Variants in TRHDE observed in about 807,000 individuals in gnomAD.
TRHDE encodes the protein thyrotropin releasing hormone degrading enzyme.
A neutral mutation model predicts 125.7 loss-of-function variants in TRHDE; 72 were observed. The observed-to-expected ratio is 0.57, with a 90% CI of 0.47 to 0.70. The LOEUF is 0.70. TRHDE is among the 30% of genes least tolerant of loss of function. The probability of loss-of-function intolerance (pLI) is 0.00; values close to 1 mark genes in which losing one functional copy is unlikely to be tolerated. For synonymous variants in TRHDE, 509 were observed against 509.1 expected (o/e 1.00, Z 0.00); for missense variants, 1,110 against 1,327.1 (o/e 0.84, Z 2.54).
chr12:72,622,294 G>C (rs1873084808), intron 15 of TRHDE, among the ~76,000 whole-genome samples: 1 of 151,932 alleles, frequency 6.6e-6, no homozygotes, highest in Non-Finnish European at 1.5e-5. Flanking sequence ...GGTTAAAATT[G>C]TTTAATTAAA....
chr12:72,482,653 T>C (rs1264722748), intron 5 of TRHDE, among the ~76,000 whole-genome samples: 1 of 151,944 alleles, frequency 6.6e-6, no homozygotes, highest in East Asian at 1.9e-4. Flanking sequence ...CTTTTGATTG[T>C]AGTGGCAGTG....
At chr12:72,187,441 G>T (rs1010189103) in intron 2 of TRHDE, among the ~76,000 whole-genome samples, 5 of 137,088 alleles carry the variant, frequency 3.6e-5, no homozygotes, top group African/African-American at 1.1e-4. Context: ...GGCCCGAGGT[G>T]GGGGGGGTGG....
chr12:72,151,173 G>A (rs1702183823), intron 2 of TRHDE, among the ~76,000 whole-genome samples: 1 of 152,172 alleles, frequency 6.6e-6, no homozygotes, highest in South Asian at 2.1e-4. Flanking sequence ...TTTTTCATGT[G>A]TCTGTTGGGT....
In TRHDE at chr12:72,203,326, C is replaced by T. The variant is rs112169001; in HGVS notation, n.279+97574C>T. Among the ~76,000 whole-genome samples, 346 of 152,068 alleles carry T rather than the reference C, an allele frequency of 2.3e-3. 2 individuals carry two copies. Among genetic ancestry groups the T allele is most frequent in the African/African-American group, 7.7e-3 (321 of 41,504 alleles). ...AAATCAAAAAACAAAAAATTAGCCGCGCGTGGTGGCAGGCGCCTGTAGTCC... is the reference window on the plus strand; with the variant it reads ...AAATCAAAAAACAAAAAATTAGCCGTGCGTGGTGGCAGGCGCCTGTAGTCC... On this transcript the variant is annotated intron_variant and non_coding_transcript_variant, in intron 2 of 4. Transcript: ENST00000548156.
At chr12:72,318,524 C>G (rs1868918244) in intron 2 of TRHDE, among the ~76,000 whole-genome samples, 1 of 152,090 alleles carries the variant, frequency 6.6e-6, no homozygotes, top group Non-Finnish European at 1.5e-5. Flanking sequence ...GTGACCTTGG[C>G]CGGTGCTGAT....
At chr12:72,136,705 AG>A (rs1297553038) in intron 2 of TRHDE, among the ~76,000 whole-genome samples, 1 of 152,216 alleles carries the variant, frequency 6.6e-6, no homozygotes, top group African/African-American at 2.4e-5. Context: ...ATCCAATTGA[AG>A]GGGAATATGG....
intron 2 of TRHDE, among the ~76,000 whole-genome samples, chr12:72,205,323 C>T (rs1354407384): frequency 6.7e-6 from 1 of 149,492 alleles, no homozygotes; most frequent in Non-Finnish European, 1.5e-5. Context: ...CTTCGTGTAC[C>T]AAAGCACTGT....
At chr12:72,241,119 ACTC>A (rs1878469727) in intron 2 of TRHDE, among the ~76,000 whole-genome samples, 1 of 151,766 alleles carries the variant, frequency 6.6e-6, no homozygotes. Flanking sequence ...CCTGCACCCC[ACTC>A]CCAATACAAG....
At position 72,653,175 on chromosome 12, in the gene TRHDE, A is replaced by T. The variant is rs755918366; in HGVS notation, c.2984+19A>T. On this transcript the variant is annotated intron_variant, in intron 17 of 18. Transcript: ENST00000261180. ...ATACCAGGTAGAAATTAGAATTCTTACTTGAATGAGTAAATTAAAGCCGAC... is the reference window on the plus strand; with the variant it reads ...ATACCAGGTAGAAATTAGAATTCTTTCTTGAATGAGTAAATTAAAGCCGAC... 1 of 1,597,864 alleles carries T rather than the reference A, an allele frequency of 6.3e-7. No homozygotes were observed. Among genetic ancestry groups the T allele is most frequent in the Non-Finnish European group, 8.5e-7 (1 of 1,171,740 alleles).
At chr12:72,600,144 A>G (rs1872150590) in intron 12 of TRHDE, among the ~76,000 whole-genome samples, 1 of 151,526 alleles carries the variant, frequency 6.6e-6, no homozygotes, top group Non-Finnish European at 1.5e-5. Context: ...TGGCTTACTT[A>G]CTTAGATTTG....
At chr12:72,621,511 T>C in intron 14 of TRHDE, 133 bp from the exon 15 acceptor site, 1 of 670,570 alleles carries the variant, frequency 1.5e-6, no homozygotes, top group Non-Finnish European at 2.5e-6. Flanking sequence ...TCTGCCTAAG[T>C]GACTTTTACT....
intron 2 of TRHDE, among the ~76,000 whole-genome samples, chr12:72,195,410 CTGT>C (rs1475569166): frequency 1.3e-5 from 2 of 152,132 alleles, no homozygotes; most frequent in Non-Finnish European, 2.9e-5. Flanking sequence ...TCACTAGCAT[CTGT>C]TGTTTTTTGA....
At chr12:72,609,349 C>G (rs1468911819) in intron 12 of TRHDE, among the ~76,000 whole-genome samples, 1 of 152,166 alleles carries the variant, frequency 6.6e-6, no homozygotes, top group Non-Finnish European at 1.5e-5. Flanking sequence ...CTTATCTTCT[C>G]AACAAAATAT....
chr12:72,488,664 A>G (rs1307442906), intron 5 of TRHDE, among the ~76,000 whole-genome samples: 4 of 152,038 alleles, frequency 2.6e-5, no homozygotes, highest in Admixed American at 1.3e-4. Context: ...CCTAGTAGAC[A>G]TATATGGAAC....
intron 1 of TRHDE, among the ~76,000 whole-genome samples, chr12:72,095,759 G>A (rs996686136): frequency 1.3e-5 from 2 of 152,186 alleles, no homozygotes; most frequent in Admixed American, 6.5e-5. Context: ...CCTATACTCA[G>A]TGTGATGGTT....
chr12:72,369,351 C>T (rs1006947948), intron 2 of TRHDE, among the ~76,000 whole-genome samples: 1 of 152,006 alleles, frequency 6.6e-6, no homozygotes, highest in African/African-American at 2.4e-5. Flanking sequence ...GATTTCTGTT[C>T]AATCAGTAAC....
chr12:72,580,965 A>G (rs544935996), intron 12 of TRHDE, among the ~76,000 whole-genome samples: 4 of 152,348 alleles, frequency 2.6e-5, no homozygotes, highest in South Asian at 4.1e-4. Context: ...TATGGAAAAC[A>G]TCAAAATATC....
intron 3 of TRHDE, among the ~76,000 whole-genome samples, chr12:72,455,895 G>C (rs1054919718): frequency 6.6e-6 from 1 of 151,838 alleles, no homozygotes; most frequent in Non-Finnish European, 1.5e-5. Context: ...ATACAGAGGA[G>C]TCTACTTTCA....
At chr12:72,510,646 CATTCCATGA>C (rs1176721987) in intron 6 of TRHDE, among the ~76,000 whole-genome samples, 3 of 151,894 alleles carry the variant, frequency 2.0e-5, no homozygotes, top group Non-Finnish European at 4.4e-5. Flanking sequence ...TTTGGGTTTT[CATTCCATGA>C]ATGAAAAAAA....
Sources: allele counts gnomAD v4.1 joint callset (sites outside exome capture counted in the v4.1 genomes callset), GRCh38; gene constraint gnomAD v4.1.1; transcripts MANE v1.5; gene names NCBI Gene and HGNC (gene_info 2026-07-23, HGNC 2026-07-21).